ZBTB20: variants seen among roughly 807,000 people sequenced by gnomAD.
ZBTB20 encodes the protein zinc finger and BTB domain-containing protein 20.
A neutral mutation model predicts 56.9 loss-of-function variants in ZBTB20; 9 were observed. The ratio of observed to expected loss-of-function variants is 0.16; its 90% CI spans 0.10 to 0.28. The LOEUF is 0.28. ZBTB20 is among the 10% of genes least tolerant of loss of function. The probability of loss-of-function intolerance (pLI) is 1.00; values close to 1 mark genes in which losing one functional copy is unlikely to be tolerated. For missense variants in ZBTB20, 655 were observed against 1,003.0 expected (o/e 0.65, Z 4.69); for synonymous variants, 417 against 420.7 (o/e 0.99, Z 0.11).
Position 114,329,759 on chromosome 3 carries a change from C to G in ZBTB20, c.*9246G>C, listed in dbSNP as rs2079186329. On this transcript the variant is annotated 3_prime_UTR_variant, in exon 12 of 12. Coordinates refer to ENST00000675478, the MANE Select transcript of ZBTB20 (RefSeq NM_001348800.3). ...AAAACAACTCCCAGGAAAATGAACA[C>G]TATATTGCCAAGCTGCCTCCAGGGA... The G allele has an allele frequency of 8.9e-6, 1 of 111,772 alleles. No individual in the cohort carries two copies. The highest frequency in any genetic ancestry group is 3.4e-5 in the African/African-American group (1 of 29,296). The allele number at this position is 111,772 out of a possible 1,614,324, so 6.9% of individuals were successfully genotyped here.
chr3:114,877,641 CAT>C (rs1312869273), intron 4 of ZBTB20, among the ~76,000 whole-genome samples: 1 of 152,156 alleles, frequency 6.6e-6, no homozygotes, highest in African/African-American at 2.4e-5. Context: ...AAAACACACA[CAT>C]ATATATAAGC....
chr3:115,022,720 T>A (rs984812917), intron 2 of ZBTB20, among the ~76,000 whole-genome samples: 1 of 150,974 alleles, frequency 6.6e-6, no homozygotes, highest in Non-Finnish European at 1.5e-5. Context: ...AAATGGGCAA[T>A]CATTTAAAAA....
intron 8 of ZBTB20, among the ~76,000 whole-genome samples, chr3:114,385,300 G>A (rs962848237): frequency 1.3e-5 from 2 of 152,100 alleles, no homozygotes; most frequent in African/African-American, 4.8e-5. Flanking sequence ...AGGGTAGGTG[G>A]TAACAAACCA....
chr3:114,863,539 A>G (rs2075630807), intron 4 of ZBTB20, among the ~76,000 whole-genome samples: 1 of 152,132 alleles, frequency 6.6e-6, no homozygotes, highest in Admixed American at 6.5e-5. Context: ...ATATGGGCTA[A>G]TTGGAAATCA....
At chr3:115,130,126 A>G (rs1168238575) in intron 1 of ZBTB20, among the ~76,000 whole-genome samples, 1 of 152,136 alleles carries the variant, frequency 6.6e-6, no homozygotes, top group Non-Finnish European at 1.5e-5. Flanking sequence ...AAATATCTCT[A>G]TTTTAAAGAT....
intron 10 of ZBTB20, among the ~76,000 whole-genome samples, chr3:114,370,907 C>T (rs779023966): frequency 9.2e-5 from 14 of 152,308 alleles, no homozygotes; most frequent in South Asian, 2.1e-4. Context: ...TTGTAACTAA[C>T]ACTCAGCTCC....
chr3:114,371,635 A>G (rs997784935), intron 10 of ZBTB20, among the ~76,000 whole-genome samples: 2 of 152,038 alleles, frequency 1.3e-5, no homozygotes, highest in African/African-American at 4.8e-5. Flanking sequence ...AATAGTCCTG[A>G]CTCCTTTCTG....
At chr3:114,563,954 G>C (rs1316600994) in intron 6 of ZBTB20, among the ~76,000 whole-genome samples, 1 of 152,098 alleles carries the variant, frequency 6.6e-6, no homozygotes, top group African/African-American at 2.4e-5. Flanking sequence ...TATAGTTCTG[G>C]AGGTCAGAAA....
At chr3:114,766,457 T>C (rs2068796429) in intron 5 of ZBTB20, among the ~76,000 whole-genome samples, 1 of 151,650 alleles carries the variant, frequency 6.6e-6, no homozygotes, top group African/African-American at 2.4e-5. Context: ...TACCTTGATT[T>C]TTCTTCAAAA....
chr3:114,558,567 AT>A (rs1474965900), intron 6 of ZBTB20, among the ~76,000 whole-genome samples: 2 of 152,066 alleles, frequency 1.3e-5, no homozygotes, highest in African/African-American at 4.8e-5. Context: ...GAGGCAATGT[AT>A]TACACTGCCA....
At chr3:114,880,475 A>C (rs2076358772) in intron 4 of ZBTB20, among the ~76,000 whole-genome samples, 2 of 152,352 alleles carry the variant, frequency 1.3e-5, no homozygotes, top group South Asian at 2.1e-4. Flanking sequence ...ATACTTTCAG[A>C]GACTGCTGGG....
rs577182643 is a variant in ZBTB20 at position 115,113,171 on chromosome 3, T to C, written c.-703+34048A>G. Among the ~76,000 whole-genome samples the C allele has an allele frequency of 2.0e-5, 3 of 152,340 alleles. No individual in the cohort carries two copies. In the South Asian group the frequency reaches 6.2e-4, roughly 32 times the overall value. ...GTTTTTACTGTTGAGTTGTTTGAGT[T>C]CCTTATATATTCTGGTTATTAGTCC... On this transcript the variant is annotated intron_variant, in intron 1 of 11. Coordinates refer to ENST00000675478, the MANE Select transcript of ZBTB20 (RefSeq NM_001348800.3).
At chr3:114,419,426 T>C (rs1005081757) in intron 7 of ZBTB20, among the ~76,000 whole-genome samples, 6 of 152,012 alleles carry the variant, frequency 3.9e-5, no homozygotes, top group Admixed American at 6.6e-5. Flanking sequence ...ACTAAACACA[T>C]AGTAATAGGG....
intron 5 of ZBTB20, among the ~76,000 whole-genome samples, chr3:114,764,245 C>T (rs2068630834): frequency 1.1e-5 from 1 of 93,756 alleles, no homozygotes; most frequent in South Asian, 4.4e-4. Context: ...ACCTCTCTCT[C>T]TCTCTCTTTT....
At chr3:114,643,372 C>A (rs557252604) in intron 6 of ZBTB20, among the ~76,000 whole-genome samples, 1 of 152,166 alleles carries the variant, frequency 6.6e-6, no homozygotes. Flanking sequence ...TAATAAGGAA[C>A]AAAGAAACCC....
At chr3:115,000,267 G>C (rs2079194716) in intron 2 of ZBTB20, among the ~76,000 whole-genome samples, 1 of 151,420 alleles carries the variant, frequency 6.6e-6, no homozygotes, top group Non-Finnish European at 1.5e-5. Context: ...TTTAAATGTT[G>C]ATTACAGCAC....
chr3:114,944,865 C>T (rs2076833959), intron 3 of ZBTB20, among the ~76,000 whole-genome samples: 2 of 145,232 alleles, frequency 1.4e-5, no homozygotes, highest in Non-Finnish European at 3.0e-5. Context: ...TCAAAAAGCA[C>T]AAAGTTTCAG....
chr3:114,891,596 T>C (rs2076808145), intron 4 of ZBTB20, among the ~76,000 whole-genome samples: 1 of 152,210 alleles, frequency 6.6e-6, no homozygotes, highest in South Asian at 2.1e-4. Flanking sequence ...CTTTGTAACA[T>C]AAGCTATAAA....
At chr3:114,527,681 AC>A (rs1379997523) in intron 6 of ZBTB20, among the ~76,000 whole-genome samples, 1 of 152,186 alleles carries the variant, frequency 6.6e-6, no homozygotes, top group African/African-American at 2.4e-5. Flanking sequence ...ACATATATTT[AC>A]CAGTAATTGC....
Sources: allele counts gnomAD v4.1 joint callset (sites outside exome capture counted in the v4.1 genomes callset), GRCh38; gene constraint gnomAD v4.1.1; transcripts MANE v1.5; gene names NCBI Gene and HGNC (gene_info 2026-07-23, HGNC 2026-07-21).